Variants in PAH observed in about 807,000 individuals in gnomAD.
PAH encodes the protein phenylalanine hydroxylase.
PAH carries 64 observed loss-of-function variants against 62.0 expected under a neutral mutation model. The observed-to-expected ratio is 1.03, with a 90% CI of 0.84 to 1.27. The LOEUF is 1.27. Among genes scored for constraint, PAH ranks in the 50% most tolerant of loss-of-function variants. The probability of loss-of-function intolerance (pLI) is 0.00; values close to 1 mark genes in which losing one functional copy is unlikely to be tolerated. For synonymous variants in PAH, 195 were observed against 196.2 expected, an observed-to-expected ratio of 0.99 and a Z score of 0.05; for missense variants, 579 against 542.8, an observed-to-expected ratio of 1.07 and a Z score of -0.66.
intron 8 of PAH, among the ~76,000 whole-genome samples, chr12:102,850,847 G>A (rs1455424197): frequency 6.6e-6 from 1 of 152,102 alleles, no homozygotes; most frequent in Non-Finnish European, 1.5e-5. Flanking sequence ...TAGCACTTTG[G>A]GAGGGTGAGA....
chr12:102,952,165 C>T (rs1879783072), upstream of PAH, among the ~76,000 whole-genome samples: 1 of 152,130 alleles, frequency 6.6e-6, no homozygotes, highest in Admixed American at 6.5e-5. Flanking sequence ...TCATAGAGCC[C>T]TTCGATTGTG....
intron 3 of PAH, among the ~76,000 whole-genome samples, chr12:102,882,642 CTATATATA>C (rs869088873): frequency 2.8e-4 from 24 of 85,872 alleles, no homozygotes; most frequent in Non-Finnish European, 4.0e-4. Context: ...TATATATACA[CTATATATA>C]TATATATATA....
rs551382730 is a variant in PAH, at chr12:102,894,934, G to T, written c.169-16C>A. 11 of 1,597,016 alleles carry T rather than the reference G, an allele frequency of 6.9e-6. No homozygotes were observed. The highest frequency in any genetic ancestry group is 9.4e-6 in the Non-Finnish European group (11 of 1,166,172). ...CATCATTCTCCTAGAAGAGAGAATGGGGAGGGTGAGGAGACAGTCACTGGA... is the reference window on the plus strand; with the variant it reads ...CATCATTCTCCTAGAAGAGAGAATGTGGAGGGTGAGGAGACAGTCACTGGA... On this transcript the variant is annotated splice_polypyrimidine_tract_variant and intron_variant, in intron 2 of 12. Transcript: ENST00000553106.
At chr12:102,887,754 G>A (rs1877103097) in intron 3 of PAH, among the ~76,000 whole-genome samples, 1 of 152,116 alleles carries the variant, frequency 6.6e-6, no homozygotes, top group Non-Finnish European at 1.5e-5. Flanking sequence ...TCATCCATCT[G>A]GAAGGGTGTC....
chr12:102,889,470 CAGAT>C (rs35081455), intron 3 of PAH, among the ~76,000 whole-genome samples: 6,792 of 151,072 alleles, frequency 0.045, 247 homozygotes, highest in African/African-American at 0.097. Flanking sequence ...GATTGATGGA[CAGAT>C]AGATAGGTAG....
At chr12:102,848,127 C>G (rs1718311) in intron 8 of PAH, among the ~76,000 whole-genome samples, 134,753 of 152,042 alleles carry the variant, frequency 0.89, 59,892 homozygotes, top group African/African-American at 0.95. Flanking sequence ...ACTCCTTCTG[C>G]CTGCTGTATG....
intron 10 of PAH, 127 bp from the exon 11 acceptor site, chr12:102,843,906 T>C (rs1874711634): frequency 9.7e-7 from 1 of 1,029,134 alleles, no homozygotes; most frequent in Admixed American, 1.7e-5. Flanking sequence ...ACAGCCCAAA[T>C]GCTGTGAGCC....
At chr12:102,895,598 G>A (rs1018975545) in intron 2 of PAH, among the ~76,000 whole-genome samples, 6 of 152,116 alleles carry the variant, frequency 3.9e-5, no homozygotes, top group Non-Finnish European at 8.8e-5. Flanking sequence ...TGTAATCCCA[G>A]CACTTTGAGG....
intron 9 of PAH, 76 bp from the exon 10 acceptor site, chr12:102,844,507 T>TGGAC: frequency 1.1e-6 from 1 of 932,734 alleles, no homozygotes; most frequent in Non-Finnish European, 1.8e-6. Context: ...GATGAAGGGA[T>TGGAC]ACCTGAATAG....
intron 1 of PAH, chr12:102,958,021 T>C: frequency 1.1e-5 from 4 of 376,290 alleles, no homozygotes; most frequent in Non-Finnish European, 1.9e-5. Flanking sequence ...GGAGGCGGCG[T>C]GCAGGGAGGA....
Position 102,894,802 on chromosome 12 carries a change from G to T in PAH, c.285C>A (p.Ile95=). 1.2e-5 allele frequency: 19 copies of T among 1,613,928 alleles called. No individual in the cohort carries two copies. Among genetic ancestry groups the T allele is most frequent in the Non-Finnish European group, 1.5e-5 (18 of 1,179,890 alleles). The change falls in exon 3 of 13, where the codon ATC becomes ATA. Residue 95 remains isoleucine, a synonymous_variant. Transcript: ENST00000553106. ...KRSLPALTNI[I]KILRHDIGAT... ...CACCAATGTCATGCCTCAAGATCTT[G>T]ATGATGTTTGTCAGAGCAGGCAGGC... is the stretch of plus-strand genomic sequence containing the variant.
intron 3 of PAH, among the ~76,000 whole-genome samples, chr12:102,880,197 A>C (rs1397298441): frequency 2.0e-5 from 3 of 151,336 alleles, no homozygotes; most frequent in Admixed American, 6.6e-5. Context: ...TGTCACCTAC[A>C]CTCCTCCCCA....
At chr12:102,892,069 G>T (rs1170576546) in intron 3 of PAH, among the ~76,000 whole-genome samples, 1 of 152,180 alleles carries the variant, frequency 6.6e-6, no homozygotes, top group East Asian at 1.9e-4. Flanking sequence ...ATCCAGGGAG[G>T]AATTCCAAGT....
chr12:102,950,022 G>A (rs1301098705), intron 1 of PAH: 1 of 152,200 alleles, frequency 6.6e-6, no homozygotes, highest in African/African-American at 2.4e-5. Context: ...TAACATCTTA[G>A]ATGATTAGCA....
chr12:102,843,368 CT>C (rs1874670587), intron 11 of PAH, among the ~76,000 whole-genome samples: 1 of 151,998 alleles, frequency 6.6e-6, no homozygotes, highest in African/African-American at 2.4e-5. Flanking sequence ...TGTGGGGAGA[CT>C]TCTGTGGCCA....
At chr12:102,840,346 A>G in intron 12 of PAH, 54 bp downstream of exon 12, 3 of 1,033,930 alleles carry the variant, frequency 2.9e-6, no homozygotes, top group Non-Finnish European at 4.6e-6. Context: ...GTAGGGAAAG[A>G]CAGTCTTCGA....
rs1801146 is a variant in PAH at position 102,877,492 on chromosome 12, G to A, written c.411C>T (p.Ser137=). The change falls in exon 4 of 13, where the codon AGC becomes AGT. Residue 137 remains serine (S), a synonymous_variant. Coordinates refer to ENST00000553106, the MANE Select transcript of PAH (RefSeq NM_000277.3). ...GGTCAGCATCCAGTTCCGCTCCATAGCTGAGAATCTGATTGGCAAATCTGT... is the reference window on the plus strand; with the variant it reads ...GGTCAGCATCCAGTTCCGCTCCATAACTGAGAATCTGATTGGCAAATCTGT... The part of the protein sequence containing the change: ...ELDRFANQIL[S]YGAELDADHP... 1.9e-6 allele frequency: 3 copies of A among 1,614,078 alleles called. No individual in the cohort carries two copies. Among genetic ancestry groups the A allele is most frequent in the Non-Finnish European group, 2.5e-6 (3 of 1,179,992 alleles).
chr12:102,950,682 GC>G (rs1879715926), exon 1 of PAH: 1 of 152,258 alleles, frequency 6.6e-6, no homozygotes, highest in Non-Finnish European at 1.5e-5. Context: ...CCTCGCCCCA[GC>G]CGGTAGTCTC....
intron 2 of PAH, among the ~76,000 whole-genome samples, chr12:102,906,254 AC>A (rs1400303556): frequency 6.6e-6 from 1 of 152,194 alleles, no homozygotes; most frequent in Non-Finnish European, 1.5e-5. Context: ...CTCATGTTGA[AC>A]CAGTGGGAGT....
Sources: gnomAD v4.1 joint callset for allele counts (sites outside exome capture counted in the v4.1 genomes callset) on GRCh38, gnomAD v4.1.1 for gene constraint, MANE v1.5 for transcripts, NCBI Gene and HGNC (gene_info 2026-07-23, HGNC 2026-07-21) for gene names.